Variants in BMP3 observed in about 807,000 individuals in gnomAD.
The protein encoded by BMP3 is bone morphogenetic protein 3, also known as bone morphogenetic protein 3 (osteogenic).
Under a neutral mutation model 38.1 loss-of-function variants are expected in BMP3, and 23 were observed. That is an observed-to-expected ratio of 0.60 (90% CI 0.43 to 0.86). The LOEUF (loss-of-function observed/expected upper bound fraction) is 0.86, where lower values mean the gene tolerates loss of function less well. Ranked by LOEUF, BMP3 falls within the 40% of genes least tolerant of loss-of-function variation. The pLI is 0.00. For missense variants in BMP3, 628 were observed against 579.6 expected (o/e 1.08, Z -0.86); for synonymous variants, 258 against 225.7 (o/e 1.14, Z -1.28).
chr4:81,046,030 T>C lies in BMP3; in HGVS notation c.609T>C (p.Thr203=). 1 of 1,614,176 alleles carries C rather than the reference T, an allele frequency of 6.2e-7. No homozygotes were observed. Among genetic ancestry groups the C allele is most frequent in the Non-Finnish European group, 8.5e-7 (1 of 1,180,018 alleles). ...DIMSWLSKDI[T]QLLRKAKENE... is the part of the protein sequence containing the mutation. Reference sequence around the variant, plus strand: ...TGTCCTGGCTGTCTAAAGATATCACTCAACTCTTGAGGAAGGCCAAAGAAA... The same window carrying C: ...TGTCCTGGCTGTCTAAAGATATCACCCAACTCTTGAGGAAGGCCAAAGAAA... The change falls in exon 2 of 3, where the codon ACT becomes ACC. Residue 203 remains threonine (T), a synonymous_variant. Coordinates refer to ENST00000282701, the MANE Select transcript of BMP3 (RefSeq NM_001201.5).
intron 1 of BMP3, among the ~76,000 whole-genome samples, chr4:81,035,064 A>G (rs967101670): frequency 1.3e-5 from 2 of 152,104 alleles, no homozygotes; most frequent in African/African-American, 4.8e-5. Context: ...CATTTAAAGG[A>G]CAATAGTACA....
chr4:81,032,703 A>G (rs541105824), intron 1 of BMP3, among the ~76,000 whole-genome samples: 9 of 152,374 alleles, frequency 5.9e-5, no homozygotes, highest in Non-Finnish European at 1.0e-4. Context: ...TTGATATGCA[A>G]GACTCCTGGA....
chr4:81,037,860 A>G (rs1396472755), intron 1 of BMP3, among the ~76,000 whole-genome samples: 1 of 152,138 alleles, frequency 6.6e-6, no homozygotes, highest in Non-Finnish European at 1.5e-5. Context: ...TTCTCAAAGT[A>G]TAGTTCGTGG....
At chr4:81,047,947 GAAAAAAAA>G (rs3042535) in intron 2 of BMP3, among the ~76,000 whole-genome samples, 2 of 91,554 alleles carry the variant, frequency 2.2e-5, no homozygotes, top group East Asian at 6.4e-4. Context: ...ACTCTGAAGA[GAAAAAAAA>G]AAAAAAAAAA....
intron 1 of BMP3, among the ~76,000 whole-genome samples, chr4:81,035,270 A>AAAT (rs1411606145): frequency 6.6e-6 from 1 of 152,106 alleles, no homozygotes; most frequent in Non-Finnish European, 1.5e-5. Flanking sequence ...ACATATAAAA[A>AAAT]AATTTAAGTT....
chr4:81,032,468 C>T (rs1246833176), intron 1 of BMP3, among the ~76,000 whole-genome samples: 1 of 152,188 alleles, frequency 6.6e-6, no homozygotes, highest in Non-Finnish European at 1.5e-5. Flanking sequence ...CAGCCTCCCT[C>T]CCTTGTGTTA....
intron 1 of BMP3, among the ~76,000 whole-genome samples, chr4:81,043,410 T>C (rs1447036153): frequency 1.3e-5 from 2 of 152,214 alleles, no homozygotes; most frequent in Non-Finnish European, 2.9e-5. Flanking sequence ...TTTGTTGCAC[T>C]ATATAGAAAG....
At position 81,053,345 on chromosome 4, in the gene BMP3, T is replaced by A. The variant is rs1449069078; in HGVS notation, c.1228T>A (p.Ser410Thr). The A allele has an allele frequency of 6.4e-7, 1 of 1,555,474 alleles. No homozygotes were observed. Among genetic ancestry groups the A allele is most frequent in the Non-Finnish European group, 8.7e-7 (1 of 1,155,610 alleles). The stretch of plus-strand genomic sequence containing the variant: ...GTTCTTCTTTCATTTCTTTCTCTAG[T>A]CTTTGAAGCCATCAAATCATGCTAC... The part of the protein sequence containing the change: ...SGACQFPMPK[S>T]LKPSNHATIQ... Residue 410 changes from serine (S) to threonine (T), a missense_variant and splice_region_variant, in exon 3 of 3, where the codon TCT (serine) becomes ACT (threonine). Physicochemically the swap from Ser to Thr is moderately conservative, Grantham distance 58. Coordinates refer to ENST00000282701, the MANE Select transcript of BMP3 (RefSeq NM_001201.5).
intron 2 of BMP3, among the ~76,000 whole-genome samples, chr4:81,048,167 A>C (rs1157203972): frequency 2.0e-5 from 3 of 152,180 alleles, no homozygotes; most frequent in Admixed American, 6.6e-5. Context: ...TCTTGTCTAA[A>C]TATTCATAAA....
intron 1 of BMP3, among the ~76,000 whole-genome samples, chr4:81,042,491 A>G (rs6822169): frequency 1 from 152,107 of 152,296 alleles, 75,960 homozygotes; most frequent in Non-Finnish European, 1. Context: ...CTGGACCAAC[A>G]GGCTTTGACT....
intron 1 of BMP3, among the ~76,000 whole-genome samples, chr4:81,042,265 G>A (rs893879785): frequency 4.6e-5 from 7 of 152,060 alleles, no homozygotes; most frequent in African/African-American, 1.4e-4. Flanking sequence ...CAATTTGAAT[G>A]TAAGTGGCTA....
chr4:81,036,209 G>A (rs1336031297), intron 1 of BMP3, among the ~76,000 whole-genome samples: 1 of 151,724 alleles, frequency 6.6e-6, no homozygotes, highest in Non-Finnish European at 1.5e-5. Flanking sequence ...GTTTATTTGT[G>A]GAAAAATTCA....
rs1739722643 is a variant in BMP3, at chr4:81,030,796, C to A, written c.-489C>A. ...ACGTACACTAAAAAACTCGGACCAG[C>A]CGCGCCGCAGCTGCTCCAATCCCTG... On this transcript the variant is annotated 5_prime_UTR_variant, in exon 1 of 3. Coordinates refer to ENST00000282701, the MANE Select transcript of BMP3 (RefSeq NM_001201.5). Among the ~76,000 whole-genome samples the A allele has an allele frequency of 6.6e-6, 1 of 152,090 alleles. No homozygotes were observed. Among genetic ancestry groups the A allele is most frequent in the South Asian group, 2.1e-4 (1 of 4,822 alleles).
chr4:81,038,201 T>G (rs114597165), intron 1 of BMP3, among the ~76,000 whole-genome samples: 1,609 of 152,266 alleles, frequency 0.011, 30 homozygotes, highest in African/African-American at 0.036. Context: ...AGAAGGTATA[T>G]TACTGCCTTT....
intron 1 of BMP3, among the ~76,000 whole-genome samples, chr4:81,043,079 A>T (rs1740122286): frequency 6.6e-6 from 1 of 152,242 alleles, no homozygotes; most frequent in Non-Finnish European, 1.5e-5. Flanking sequence ...CAATGAACTC[A>T]TTTTAAGTTT....
At position 81,056,696 on chromosome 4, in the gene BMP3, A is replaced by G. The variant is rs1306122379; in HGVS notation, c.*3160A>G. The G allele has an allele frequency of 6.6e-6, 1 of 152,594 alleles. No homozygotes were observed. The highest frequency in any genetic ancestry group is 6.6e-5 in the Admixed American group (1 of 15,260). 9.5% of individuals were successfully genotyped at this position (152,594 alleles called of 1,614,324 possible). A position where few individuals can be genotyped will look rare whatever the true frequency, so the allele number is the denominator to read the frequency against. On this transcript the variant is annotated 3_prime_UTR_variant, in exon 3 of 3. Transcript: ENST00000282701. ...TGGATTCCTCAGATCTCAGGACTAT[A>G]ACATTCCAGATAAATTTTTACATTC...
intron 1 of BMP3, among the ~76,000 whole-genome samples, chr4:81,034,832 A>G (rs1739876724): frequency 6.6e-6 from 1 of 152,172 alleles, no homozygotes; most frequent in African/African-American, 2.4e-5. Context: ...GTATAAGGCT[A>G]AAATATAAGG....
Position 81,055,038 on chromosome 4 carries a change from A to T in BMP3, c.*1502A>T, listed in dbSNP as rs1192265160. ...TATGTTTTGAGCATCTATTTTGTGA[A>T]AGGCACTGTGTTACCTGTGTGTCTT... On this transcript the variant is annotated 3_prime_UTR_variant, in exon 3 of 3. Coordinates refer to ENST00000282701, the MANE Select transcript of BMP3 (RefSeq NM_001201.5). 6.6e-6 allele frequency: 1 copy of T among 152,120 alleles called. No individual in the cohort carries two copies. The highest frequency in any genetic ancestry group is 6.6e-5 in the Admixed American group (1 of 15,266). 9.4% of individuals were successfully genotyped at this position (152,120 alleles called of 1,614,324 possible). A position where few individuals can be genotyped will look rare whatever the true frequency, so the allele number is the denominator to read the frequency against.
intron 1 of BMP3, among the ~76,000 whole-genome samples, chr4:81,043,160 C>T (rs147669978): frequency 2.6e-5 from 4 of 152,158 alleles, no homozygotes; most frequent in Admixed American, 6.5e-5. Flanking sequence ...TTCACGATTG[C>T]GTGTGTGTTT....
Sources: allele counts gnomAD v4.1 joint callset (sites outside exome capture counted in the v4.1 genomes callset), GRCh38; gene constraint gnomAD v4.1.1; transcripts MANE v1.5; gene names NCBI Gene and HGNC (gene_info 2026-07-23, HGNC 2026-07-21).